MFSD8: variants seen among roughly 807,000 people sequenced by gnomAD.
The protein encoded by MFSD8 is major facilitator superfamily domain containing 8, also known as major facilitator superfamily domain-containing protein 8.
MFSD8 carries 55 observed loss-of-function variants against 66.4 expected under a neutral mutation model. That is an observed-to-expected ratio of 0.83 (90% CI 0.67 to 1.04). The LOEUF (loss-of-function observed/expected upper bound fraction) is 1.04. Among genes scored for constraint, MFSD8 ranks in the 50% least tolerant of loss-of-function variants. The probability of loss-of-function intolerance (pLI) is 0.00; values close to 1 mark genes in which losing one functional copy is unlikely to be tolerated. For missense variants in MFSD8, 550 were observed against 627.6 expected, an observed-to-expected ratio of 0.88 and a Z score of 1.32; for synonymous variants, 202 against 212.8, an observed-to-expected ratio of 0.95 and a Z score of 0.44.
At chr4:127,958,306 C>A (rs1743212808) in intron 1 of MFSD8, among the ~76,000 whole-genome samples, 1 of 152,136 alleles carries the variant, frequency 6.6e-6, no homozygotes, top group Non-Finnish European at 1.5e-5. Context: ...TTCACACACA[C>A]AATAGAAAGA....
intron 9 of MFSD8, among the ~76,000 whole-genome samples, chr4:127,927,464 C>T (rs1459698096): frequency 2.0e-5 from 3 of 152,220 alleles, no homozygotes; most frequent in African/African-American, 4.8e-5. Flanking sequence ...GCGTGAGCCA[C>T]TGCACCCAGC....
Position 127,921,545 on chromosome 4 carries a change from T to C in MFSD8, c.1329A>G (p.Lys443=). Residue 443 remains lysine, a synonymous_variant, in exon 11 of 12, where the codon AAA becomes AAG. Coordinates refer to ENST00000641686, the MANE Select transcript of MFSD8 (RefSeq NM_001371596.2). The stretch of plus-strand genomic sequence containing the variant: ...TTACCTGAGGTTTTGGTCCTAGAAT[T>C]TTTGAATATAGAGTATAGGACATAA... ...CNLMSYTLYS[K]ILGPKPQGVY... is the part of the protein sequence containing the mutation. The C allele has an allele frequency of 6.2e-7, 1 of 1,614,160 alleles. No homozygotes were observed. Among genetic ancestry groups the C allele is most frequent in the African/African-American group, 1.3e-5 (1 of 75,046 alleles).
At chr4:127,932,410 A>T (rs1738298428) in intron 8 of MFSD8, 1 of 152,438 alleles carries the variant, frequency 6.6e-6, no homozygotes, top group African/African-American at 2.4e-5. Context: ...ACACAAACTA[A>T]AGTATTAGCA....
rs76375941 is a variant in MFSD8 at position 127,928,885 on chromosome 4, G to A, written c.998+1798C>T. Reference sequence around the variant, plus strand: ...ATGGATAAATGTGGTATATATATATGGGAATATTATTCAGCCATTGAAACC... The same window carrying A: ...ATGGATAAATGTGGTATATATATATAGGAATATTATTCAGCCATTGAAACC... On this transcript the variant is annotated intron_variant, in intron 9 of 11. Transcript: ENST00000641686. 8.7e-3 allele frequency among the ~76,000 whole-genome samples: 1,319 copies of A among 152,164 alleles called. 23 individuals are homozygous for A. Among genetic ancestry groups the A allele is most frequent in the African/African-American group, 0.03 (1,233 of 41,512 alleles).
At chr4:127,958,880 AAAT>A (rs1340443072) in intron 1 of MFSD8, among the ~76,000 whole-genome samples, 3 of 152,218 alleles carry the variant, frequency 2.0e-5, no homozygotes, top group Non-Finnish European at 4.4e-5. Context: ...TAAAATTAGA[AAAT>A]AATAATTTAA....
chr4:127,948,564 G>A (rs1465762883), intron 3 of MFSD8, among the ~76,000 whole-genome samples: 3 of 152,044 alleles, frequency 2.0e-5, no homozygotes, highest in Non-Finnish European at 4.4e-5. Flanking sequence ...TTCTCCTTCT[G>A]CATTATGTCC....
In MFSD8 at chr4:127,933,050, C is replaced by G; in HGVS notation, c.798G>C (p.Gln266His). 1 of 1,613,798 alleles carries G rather than the reference C, an allele frequency of 6.2e-7. No homozygotes were observed. Among genetic ancestry groups the G allele is most frequent in the South Asian group, 1.1e-5 (1 of 91,078 alleles). ...EAQVPQGNID[Q>H]VAVVAINVLF... ...GAACATTGATGGCCACAACAGCAAC[C>G]TGGTCAATATTTCCTTGGGGAACCT... The change falls in exon 8 of 12, where the codon CAG (glutamine) becomes CAC (histidine). Residue 266 changes from glutamine (Q) to histidine (H), a missense_variant. Physicochemically the swap from Gln to His is conservative, Grantham distance 24. Transcript: ENST00000641686.
rs1739562268 is a variant in MFSD8 at position 127,938,643 on chromosome 4, C to T, written c.754+140G>A. ...AATAAATAAATAAATAAATTTAGGT[C>T]ACTTTCAGCTTTGAAGATCTTCCCC... On this transcript the variant is annotated intron_variant, in intron 7 of 11. Transcript: ENST00000641686. 3 of 387,800 alleles carry T rather than the reference C, an allele frequency of 7.7e-6. No homozygotes were observed. The South Asian group carries it at 1.8e-4, about 23-fold the overall frequency. The allele number at this position is 387,800 out of a possible 1,614,324, so 24.0% of individuals were successfully genotyped here. A position where few individuals can be genotyped will look rare whatever the true frequency, so the allele number is the denominator to read the frequency against.
chr4:127,958,134 T>C (rs1743186607), intron 1 of MFSD8, among the ~76,000 whole-genome samples: 1 of 152,160 alleles, frequency 6.6e-6, no homozygotes, highest in South Asian at 2.1e-4. Flanking sequence ...ACCTCCTAAA[T>C]GGGTTACCAG....
chr4:127,932,823 C>T (rs1296035180), intron 8 of MFSD8, 162 bp downstream of exon 8: 1 of 563,876 alleles, frequency 1.8e-6, no homozygotes, highest in African/African-American at 1.9e-5. Flanking sequence ...TAACTACATT[C>T]AAGTTACAAG....
intron 7 of MFSD8, among the ~76,000 whole-genome samples, chr4:127,935,676 G>A (rs1738948910): frequency 6.6e-6 from 1 of 152,110 alleles, no homozygotes; most frequent in African/African-American, 2.4e-5. Context: ...ATTCCCATTT[G>A]TACTTTAGAA....
intron 5 of MFSD8, among the ~76,000 whole-genome samples, chr4:127,941,114 T>C (rs1740114267): frequency 6.6e-6 from 1 of 152,210 alleles, no homozygotes. Context: ...ACTCAAACCA[T>C]GTCCTCATGT....
At chr4:127,938,743 GATA>G (rs764100287) in intron 7 of MFSD8, 37 bp downstream of exon 7, 45 of 1,518,464 alleles carry the variant, frequency 3.0e-5, no homozygotes, top group Non-Finnish European at 4.1e-5. Context: ...GAAACACTTT[GATA>G]ATGTTATATT....
rs1293433267 is a variant in MFSD8, at chr4:127,918,335, C to G, written c.*2295G>C. On this transcript the variant is annotated 3_prime_UTR_variant, in exon 12 of 12. Transcript: ENST00000641686. ...TTACTTCCTTTCGCCTTCTTTTGTG[C>G]CAAGATGAGCAAGGTATAATCCTCC... 2 of 152,064 alleles carry G rather than the reference C, an allele frequency of 1.3e-5. No homozygotes were observed. The highest frequency in any genetic ancestry group is 2.9e-5 in the Non-Finnish European group (2 of 68,010). 9.4% of individuals were successfully genotyped at this position (152,064 alleles called of 1,614,324 possible).
At chr4:127,942,726 A>G (rs1032566459) in intron 4 of MFSD8, among the ~76,000 whole-genome samples, 3 of 152,128 alleles carry the variant, frequency 2.0e-5, no homozygotes, top group African/African-American at 7.2e-5. Context: ...AGTGAATGGC[A>G]TACCATTGAT....
intron 6 of MFSD8, 177 bp from the exon 7 acceptor site, chr4:127,939,015 A>G (rs886766106): frequency 2.7e-5 from 12 of 451,846 alleles, no homozygotes; most frequent in African/African-American, 2.4e-4. Context: ...AGAAGTTACA[A>G]TTCTTATCAA....
At chr4:127,949,446 T>C (rs191713248) in intron 3 of MFSD8, among the ~76,000 whole-genome samples, 5 of 152,340 alleles carry the variant, frequency 3.3e-5, no homozygotes, top group Admixed American at 1.3e-4. Context: ...AAAAATATCA[T>C]TTACACACTT....
At position 127,917,919 on chromosome 4, in the gene MFSD8, A is replaced by G. The variant is rs562157927; in HGVS notation, c.*2711T>C. 2.6e-5 allele frequency: 4 copies of G among 152,356 alleles called. No homozygotes were observed. The highest frequency in any genetic ancestry group is 9.6e-5 in the African/African-American group (4 of 41,588). The allele number at this position is 152,356 out of a possible 1,614,324, so 9.4% of individuals were successfully genotyped here. ...AAATGGTGCCCAGAATTTCTTCTCA[A>G]AATAAGTTAATCTATTCTTAAACAG... On this transcript the variant is annotated 3_prime_UTR_variant, in exon 12 of 12. Transcript: ENST00000641686.
At chr4:127,965,033 G>A (rs149635901) in intron 1 of MFSD8, 39 bp downstream of exon 1, 1 of 1,605,886 alleles carries the variant, frequency 6.2e-7, no homozygotes, top group East Asian at 2.2e-5. Context: ...TCCCAACAGC[G>A]CAGGAGACTG....
Sources: gnomAD v4.1 joint callset for allele counts (sites outside exome capture counted in the v4.1 genomes callset) on GRCh38, gnomAD v4.1.1 for gene constraint, MANE v1.5 for transcripts, NCBI Gene and HGNC (gene_info 2026-07-23, HGNC 2026-07-21) for gene names.